Variants in PTPRE observed in about 807,000 individuals in gnomAD.
PTPRE encodes protein tyrosine phosphatase receptor type E.
Under a neutral mutation model 102.0 loss-of-function variants are expected in PTPRE, and 51 were observed. The ratio of observed to expected loss-of-function variants is 0.50; its 90% CI spans 0.40 to 0.63. The LOEUF (loss-of-function observed/expected upper bound fraction) is 0.63. Ranked by LOEUF, PTPRE falls within the 30% of genes least tolerant of loss-of-function variation. PTPRE has a pLI of 0.00. For missense variants in PTPRE, 752 were observed against 915.1 expected, an observed-to-expected ratio of 0.82 and a Z score of 2.30; for synonymous variants, 345 against 348.2, an observed-to-expected ratio of 0.99 and a Z score of 0.10.
At chr10:127,914,135 C>G (rs1846044721) in intron 1 of PTPRE, among the ~76,000 whole-genome samples, 1 of 152,098 alleles carries the variant, frequency 6.6e-6, no homozygotes, top group African/African-American at 2.4e-5. Flanking sequence ...TGTGGCACCC[C>G]CCACCCACTC....
intron 20 of PTPRE, among the ~76,000 whole-genome samples, chr10:128,082,283 G>A (rs1851797086): frequency 1.5e-5 from 2 of 129,526 alleles, no homozygotes. Context: ...GCACAATCTT[G>A]GCTCACTGCA....
chr10:127,962,570 G>A (rs1232577162), intron 1 of PTPRE, among the ~76,000 whole-genome samples: 1 of 152,136 alleles, frequency 6.6e-6, no homozygotes, highest in East Asian at 1.9e-4. Context: ...GCGGGGTCAG[G>A]CCTCCCGCTC....
At chr10:128,067,091 C>T (rs1019374755) in intron 11 of PTPRE, among the ~76,000 whole-genome samples, 1 of 151,994 alleles carries the variant, frequency 6.6e-6, no homozygotes, top group Admixed American at 6.6e-5. Flanking sequence ...CAGGCACACA[C>T]ATGCACACAC....
intron 2 of PTPRE, among the ~76,000 whole-genome samples, chr10:128,038,988 G>A (rs541959911): frequency 6.6e-6 from 1 of 152,290 alleles, no homozygotes; most frequent in South Asian, 2.1e-4. Context: ...TCTCAAGGGT[G>A]TCGGCCTCCT....
chr10:128,034,325 A>ACCCCCCCC (rs58597055), intron 2 of PTPRE, among the ~76,000 whole-genome samples: 2 of 147,052 alleles, frequency 1.4e-5, no homozygotes, highest in Admixed American at 6.8e-5. Context: ...CCTCCACACC[A>ACCCCCCCC]CCCCCCCCAC....
chr10:128,040,879 A>T lies in PTPRE; in HGVS notation c.-3A>T, dbSNP rs775791967. On this transcript the variant is annotated 5_prime_UTR_variant, in exon 3 of 21. Transcript: ENST00000254667. ...CCTGTCCCTGCCTCTCTGCAGGTCCACCATGGAGCCCTTGTGTCCACTCCT... is the reference window on the plus strand; with the variant it reads ...CCTGTCCCTGCCTCTCTGCAGGTCCTCCATGGAGCCCTTGTGTCCACTCCT... The T allele has an allele frequency of 1.2e-6, 2 of 1,613,698 alleles. No homozygotes were observed. The highest frequency in any genetic ancestry group is 1.7e-6 in the Non-Finnish European group (2 of 1,179,820).
chr10:128,034,508 A>G (rs1847045059), intron 2 of PTPRE, among the ~76,000 whole-genome samples: 1 of 150,010 alleles, frequency 6.7e-6, no homozygotes, highest in Non-Finnish European at 1.5e-5. Flanking sequence ...TGGGCAACAT[A>G]GTGAGACCCC....
chr10:128,041,381 G>A (rs1319110852), intron 3 of PTPRE, among the ~76,000 whole-genome samples: 1 of 152,132 alleles, frequency 6.6e-6, no homozygotes, highest in Non-Finnish European at 1.5e-5. Context: ...CGGGTGCGGT[G>A]GCTCATACCT....
chr10:128,057,923 G>A (rs918365577), intron 7 of PTPRE, among the ~76,000 whole-genome samples: 1 of 152,322 alleles, frequency 6.6e-6, no homozygotes, highest in Admixed American at 6.5e-5. Context: ...GAGATCTTTG[G>A]AATAATGTGT....
chr10:127,929,149 A>T (rs1847235512), intron 1 of PTPRE, among the ~76,000 whole-genome samples: 1 of 152,196 alleles, frequency 6.6e-6, no homozygotes, highest in African/African-American at 2.4e-5. Context: ...TTGTATTTGG[A>T]GGAATGAGTT....
At chr10:127,931,266 C>T (rs1034550273) in intron 1 of PTPRE, among the ~76,000 whole-genome samples, 2 of 151,944 alleles carry the variant, frequency 1.3e-5, no homozygotes, top group Non-Finnish European at 2.9e-5. Flanking sequence ...AAATCTTTTG[C>T]CTGTTTTTAA....
At position 128,085,203 on chromosome 10, in the gene PTPRE, C is replaced by T; in HGVS notation, c.*2297C>T. 2.3e-6 allele frequency: 1 copy of T among 429,246 alleles called. No homozygotes were observed. Among genetic ancestry groups the T allele is most frequent in the Non-Finnish European group, 4.7e-6 (1 of 211,604 alleles). 26.6% of individuals were successfully genotyped at this position (429,246 alleles called of 1,614,324 possible). A position where few individuals can be genotyped will look rare whatever the true frequency, so the allele number is the denominator to read the frequency against. On this transcript the variant is annotated 3_prime_UTR_variant, in exon 21 of 21. Transcript: ENST00000254667. ...ACCAAGGCCCCAGATCACAGGATCT[C>T]CTGGGCCTTGGAGCACCTCACGCTG...
chr10:128,024,412 G>A (rs1013764665), intron 2 of PTPRE, among the ~76,000 whole-genome samples: 4 of 152,316 alleles, frequency 2.6e-5, no homozygotes, highest in African/African-American at 9.6e-5. Flanking sequence ...GCGTGCTTTC[G>A]AGAAGGTTCC....
At chr10:127,983,592 G>A (rs570688201) in intron 2 of PTPRE, among the ~76,000 whole-genome samples, 1 of 152,156 alleles carries the variant, frequency 6.6e-6, no homozygotes, top group East Asian at 1.9e-4. Context: ...ATGCAGCTGC[G>A]TGCTTTATCG....
intron 17 of PTPRE, among the ~76,000 whole-genome samples, chr10:128,073,859 A>G (rs2136046359): frequency 6.6e-6 from 1 of 152,342 alleles, no homozygotes; most frequent in Admixed American, 6.5e-5. Context: ...TTCTCCCCCA[A>G]GACATAACTA....
intron 19 of PTPRE, 106 bp from the exon 20 acceptor site, chr10:128,079,454 G>A: frequency 7.2e-7 from 1 of 1,393,442 alleles, no homozygotes. Context: ...ATCATTTTCA[G>A]CGATTGTTGC....
intron 2 of PTPRE, among the ~76,000 whole-genome samples, chr10:127,990,283 G>A (rs902833911): frequency 5.9e-5 from 9 of 151,770 alleles, no homozygotes; most frequent in East Asian, 5.8e-4. Context: ...ATGGTGGCAC[G>A]TGCCTGTAAT....
intron 6 of PTPRE, among the ~76,000 whole-genome samples, chr10:128,052,918 G>A (rs189791212): frequency 1.2e-3 from 183 of 152,266 alleles, no homozygotes; most frequent in African/African-American, 4.0e-3. Flanking sequence ...ACTACCGAGC[G>A]GAGAGAGAAA....
At chr10:128,056,521 G>A (rs1848976178) in intron 7 of PTPRE, among the ~76,000 whole-genome samples, 1 of 152,142 alleles carries the variant, frequency 6.6e-6, no homozygotes, top group East Asian at 1.9e-4. Context: ...AGCTGGCAGG[G>A]CCCCTCCTGT....
Sources: allele counts gnomAD v4.1 joint callset (sites outside exome capture counted in the v4.1 genomes callset), GRCh38; gene constraint gnomAD v4.1.1; transcripts MANE v1.5; gene names NCBI Gene and HGNC (gene_info 2026-07-23, HGNC 2026-07-21).